Variants in EYS observed in about 807,000 individuals in gnomAD.
The protein encoded by EYS is protein eyes shut homolog.
Under a neutral mutation model 282.1 loss-of-function variants are expected in EYS, and 250 were observed. The observed-to-expected ratio is 0.89, with a 90% confidence interval of 0.80 to 0.98. The LOEUF is 0.98. Ranked by LOEUF, EYS falls within the 50% of genes least tolerant of loss-of-function variation. The pLI, the probability that EYS is intolerant of heterozygous loss-of-function variation, is 0.00. For missense variants in EYS, 4,016 were observed against 3,709.0 expected (o/e 1.08, Z -2.15); for synonymous variants, 1,355 against 1,282.9 (o/e 1.06, Z -1.20).
chr6:64,905,746 A>T (rs1337421791), intron 16 of EYS, among the ~76,000 whole-genome samples: 1 of 152,154 alleles, frequency 6.6e-6, no homozygotes, highest in Non-Finnish European at 1.5e-5. Flanking sequence ...TATGGAACAG[A>T]GTACAATAAT....
intron 37 of EYS, among the ~76,000 whole-genome samples, chr6:63,794,843 A>G (rs551281590): frequency 6.6e-6 from 1 of 152,176 alleles, no homozygotes; most frequent in Non-Finnish European, 1.5e-5. Flanking sequence ...CAGAACACAA[A>G]CCCACAGTGA....
intron 13 of EYS, among the ~76,000 whole-genome samples, chr6:65,030,847 A>G (rs1006941567): frequency 1.3e-5 from 2 of 152,194 alleles, no homozygotes; most frequent in Non-Finnish European, 2.9e-5. Flanking sequence ...GTTAAAAGGC[A>G]AAGAATGGCA....
intron 11 of EYS, among the ~76,000 whole-genome samples, chr6:65,313,517 C>T (rs1195355103): frequency 2.7e-5 from 4 of 149,848 alleles, no homozygotes; most frequent in Non-Finnish European, 3.0e-5. Flanking sequence ...TTCCGTATCT[C>T]GATAAATGAC....
chr6:65,260,146 G>A (rs957780794), intron 12 of EYS, among the ~76,000 whole-genome samples: 9 of 152,128 alleles, frequency 5.9e-5, no homozygotes, highest in East Asian at 1.9e-4. Context: ...AAAAGGAGAC[G>A]TGCCTAGTGA....
intron 22 of EYS, among the ~76,000 whole-genome samples, chr6:64,637,260 G>T (rs540040102): frequency 1.1e-5 from 1 of 91,200 alleles, no homozygotes; most frequent in African/African-American, 4.2e-5. Context: ...ATACTATGCA[G>T]CCATAAAAAA....
chr6:65,410,321 C>T (rs1408569249), intron 5 of EYS, among the ~76,000 whole-genome samples: 3 of 151,942 alleles, frequency 2.0e-5, no homozygotes, highest in African/African-American at 4.8e-5. Flanking sequence ...TTGAAACATA[C>T]CCATGTGGTA....
chr6:65,570,173 T>C (rs966550776), intron 2 of EYS, among the ~76,000 whole-genome samples: 4 of 151,898 alleles, frequency 2.6e-5, no homozygotes, highest in Admixed American at 6.6e-5. Flanking sequence ...GTAAAAGGTA[T>C]TCAAGGGGAT....
At position 65,013,399 on chromosome 6, in the gene EYS, C is replaced by T. The variant is rs73765716; in HGVS notation, c.2138-15696G>A. On this transcript the variant is annotated intron_variant, in intron 13 of 42. Coordinates refer to ENST00000503581, the MANE Select transcript of EYS (RefSeq NM_001142800.2). ...CCTGTGGCAAGCACTGTGCTAGACG[C>T]GGGAGGTGGGGGGCAGGTGTTTAAA... 3.1e-3 allele frequency among the ~76,000 whole-genome samples: 468 copies of T among 152,108 alleles called. 5 individuals carry two copies. The highest frequency in any genetic ancestry group is 0.01 in the African/African-American group (428 of 41,492).
intron 29 of EYS, among the ~76,000 whole-genome samples, chr6:64,307,999 TA>T (rs755048861): frequency 5.9e-5 from 9 of 152,006 alleles, no homozygotes; most frequent in Non-Finnish European, 1.0e-4. Flanking sequence ...TACAGTAAAT[TA>T]TCAATGAAAA....
At position 65,335,117 on chromosome 6, in the gene EYS, A is replaced by T; in HGVS notation, c.1629T>A (p.Ser543Arg). The change falls in exon 11 of 43, where the codon AGT becomes AGA. Residue 543 changes from serine (S) to arginine (R), a missense_variant. Physicochemically the swap from Ser to Arg is moderately radical, Grantham distance 110. Coordinates refer to ENST00000503581, the MANE Select transcript of EYS (RefSeq NM_001142800.2). ...ACCGATATTCCTGACTGTCTTCTTC[A>T]CTCAAACAACTGCATCCATTTGCAC... is the stretch of plus-strand genomic sequence containing the variant. ...EICANGCSCL[S>R]EEDSQEYRYL... is the part of the protein sequence containing the mutation. 6.2e-7 allele frequency: 1 copy of T among 1,611,562 alleles called. No individual in the cohort carries two copies. The highest frequency in any genetic ancestry group is 8.5e-7 in the Non-Finnish European group (1 of 1,178,614).
chr6:64,248,325 T>G (rs551153798), intron 30 of EYS, among the ~76,000 whole-genome samples: 1 of 152,098 alleles, frequency 6.6e-6, no homozygotes, highest in East Asian at 1.9e-4. Flanking sequence ...AATTAGTAAT[T>G]CATGTTTATT....
intron 18 of EYS, among the ~76,000 whole-genome samples, chr6:64,901,294 G>GTATATACATATATA (rs1554216265): frequency 3.4e-4 from 44 of 127,750 alleles, no homozygotes; most frequent in Non-Finnish European, 6.3e-4. Context: ...ATGTAGTTGA[G>GTATATACATATATA]TATATATATA....
At chr6:64,260,977 C>G (rs1402312964) in intron 30 of EYS, among the ~76,000 whole-genome samples, 1 of 93,724 alleles carries the variant, frequency 1.1e-5, no homozygotes, top group Non-Finnish European at 2.4e-5. Flanking sequence ...ATGATGAAAT[C>G]AGAGTAACTA....
intron 28 of EYS, among the ~76,000 whole-genome samples, chr6:64,419,257 G>C (rs115337818): frequency 2.4e-4 from 36 of 152,278 alleles, no homozygotes; most frequent in African/African-American, 8.4e-4. Flanking sequence ...AGAATAGCAT[G>C]AGGGAAACCA....
chr6:65,563,633 C>A (rs1447323911), intron 2 of EYS, among the ~76,000 whole-genome samples: 1 of 151,836 alleles, frequency 6.6e-6, no homozygotes, highest in Non-Finnish European at 1.5e-5. Flanking sequence ...ACATTGTACA[C>A]AGAGAATATA....
intron 12 of EYS, among the ~76,000 whole-genome samples, chr6:65,199,252 G>T (rs1481235536): frequency 6.6e-6 from 1 of 152,074 alleles, no homozygotes; most frequent in Non-Finnish European, 1.5e-5. Context: ...GGACTTGGAT[G>T]ATGCTTGTTT....
chr6:64,649,464 T>C (rs865951405), intron 22 of EYS, among the ~76,000 whole-genome samples: 152 of 151,864 alleles, frequency 1.0e-3, no homozygotes, highest in African/African-American at 3.6e-3. Flanking sequence ...CTCAGCCTCC[T>C]GAGTAGCTGG....
chr6:65,136,459 G>A (rs1188982841), intron 12 of EYS, among the ~76,000 whole-genome samples: 1 of 151,820 alleles, frequency 6.6e-6, no homozygotes, highest in Non-Finnish European at 1.5e-5. Flanking sequence ...GAGAAAACTA[G>A]CAAGGTCTAC....
chr6:64,680,528 C>T (rs1262304319), intron 22 of EYS, among the ~76,000 whole-genome samples: 1 of 152,232 alleles, frequency 6.6e-6, no homozygotes, highest in East Asian at 1.9e-4. Context: ...TTCTCAACTC[C>T]CAATCAACAG....
Sources: gnomAD v4.1 joint callset for allele counts (sites outside exome capture counted in the v4.1 genomes callset) on GRCh38, gnomAD v4.1.1 for gene constraint, MANE v1.5 for transcripts, NCBI Gene and HGNC (gene_info 2026-07-23, HGNC 2026-07-21) for gene names.